Variants in VGLL3 observed in about 807,000 individuals in gnomAD.
VGLL3 encodes the protein vestigial like family member 3.
Under a neutral mutation model 29.2 loss-of-function variants are expected in VGLL3, and 18 were observed. That is an observed-to-expected ratio of 0.62 (90% CI 0.43 to 0.91). The LOEUF is 0.91. Among genes scored for constraint, VGLL3 ranks in the 40% least tolerant of loss-of-function variants. The pLI, the probability that VGLL3 is intolerant of heterozygous loss-of-function variation, is 0.00. For synonymous variants in VGLL3, 180 were observed against 151.8 expected, an observed-to-expected ratio of 1.19 and a Z score of -1.36; for missense variants, 440 against 413.2, an observed-to-expected ratio of 1.06 and a Z score of -0.56.
chr3:86,978,424 G>T, intron 2 of VGLL3, 102 bp downstream of exon 2: 1 of 1,308,850 alleles, frequency 7.6e-7, no homozygotes, highest in Non-Finnish European at 1.1e-6. Context: ...TAAAAAGCAA[G>T]TGGATATCCA....
chr3:86,951,026 A>T, intron 3 of VGLL3, among the ~76,000 whole-genome samples: 1 of 152,116 alleles, frequency 6.6e-6, no homozygotes, highest in East Asian at 1.9e-4. Context: ...CTGCCTGACC[A>T]CCAAAAGAAA....
chr3:86,971,833 T>C (rs1432891116), intron 2 of VGLL3, among the ~76,000 whole-genome samples: 1 of 152,170 alleles, frequency 6.6e-6, no homozygotes, highest in Non-Finnish European at 1.5e-5. Flanking sequence ...TTATTCTACA[T>C]AGTTCATCCT....
rs1705026369 is a variant in VGLL3 at position 86,968,988 on chromosome 3, G to C, written c.539C>G (p.Ser180Cys). Reference sequence around the variant, plus strand: ...CGGCCAAGGACTGGGATCAGCTGCAGAAAAGGTGCCAGGGGGTCCAGTGAC... The same window carrying C: ...CGGCCAAGGACTGGGATCAGCTGCACAAAAGGTGCCAGGGGGTCCAGTGAC... Reference protein sequence around the residue: ...FQVTGPPGTFSAADPSPWPGH... With the variant: ...FQVTGPPGTFCAADPSPWPGH... The change falls in exon 3 of 4, where the codon TCT becomes TGT. Residue 180 changes from serine (S) to cysteine (C), a missense_variant. Ser to Cys is a moderately radical substitution (Grantham distance 112). Transcript: ENST00000398399. 1 of 1,614,160 alleles carries C rather than the reference G, an allele frequency of 6.2e-7. No individual in the cohort carries two copies. The highest frequency in any genetic ancestry group is 1.1e-5 in the South Asian group (1 of 91,070).
rs1370847868 is a variant in VGLL3, at chr3:86,942,087, G to C, written c.*4937C>G. ...AATAATAGATTTAAAGGGCACTTTG[G>C]CCTTTAAATATTTTCAGAGAATAAA... On this transcript the variant is annotated 3_prime_UTR_variant, in exon 4 of 4. Coordinates refer to ENST00000398399, the MANE Select transcript of VGLL3 (RefSeq NM_016206.4). The C allele has an allele frequency of 6.6e-6, 1 of 151,966 alleles. No homozygotes were observed. Among genetic ancestry groups the C allele is most frequent in the Non-Finnish European group, 1.5e-5 (1 of 67,988 alleles). 9.4% of individuals were successfully genotyped at this position (151,966 alleles called of 1,614,324 possible). A position where few individuals can be genotyped will look rare whatever the true frequency, so the allele number is the denominator to read the frequency against.
At chr3:86,967,741 C>T (rs1013673542) in intron 3 of VGLL3, among the ~76,000 whole-genome samples, 7 of 152,136 alleles carry the variant, frequency 4.6e-5, no homozygotes, top group African/African-American at 1.7e-4. Flanking sequence ...ATCAATTTGT[C>T]GTTTTGGGCT....
chr3:86,988,965 G>A (rs1385566906), intron 1 of VGLL3, among the ~76,000 whole-genome samples: 2 of 151,954 alleles, frequency 1.3e-5, no homozygotes, highest in African/African-American at 4.8e-5. Flanking sequence ...TGAATTTGGG[G>A]ACCGAGTCTC....
intron 3 of VGLL3, among the ~76,000 whole-genome samples, chr3:86,967,039 G>A (rs1704980170): frequency 1.3e-5 from 2 of 151,724 alleles, no homozygotes; most frequent in African/African-American, 4.8e-5. Context: ...AGTGAATCAA[G>A]CTCACACCAA....
intron 2 of VGLL3, among the ~76,000 whole-genome samples, chr3:86,972,192 G>A (rs1705115807): frequency 6.6e-6 from 1 of 152,158 alleles, no homozygotes; most frequent in Middle Eastern, 3.2e-3. Flanking sequence ...TATTTATGAA[G>A]TACTGTACCA....
chr3:86,951,694 T>C (rs904274151), intron 3 of VGLL3, among the ~76,000 whole-genome samples: 2 of 143,180 alleles, frequency 1.4e-5, no homozygotes, highest in Non-Finnish European at 3.0e-5. Flanking sequence ...GCCTAGAGAC[T>C]CCCCCCTCTT....
At position 86,949,418 on chromosome 3, in the gene VGLL3, A is replaced by C. The variant is rs76767972; in HGVS notation, c.938-2351T>G. ...ACTTCTTCTTGGTGATGGAACATAA[A>C]AAATTTTGCTTTAATTACCAGGCAT... is the stretch of plus-strand genomic sequence containing the variant. On this transcript the variant is annotated intron_variant, in intron 3 of 3. Coordinates refer to ENST00000398399, the MANE Select transcript of VGLL3 (RefSeq NM_016206.4). 4.1e-3 allele frequency among the ~76,000 whole-genome samples: 618 copies of C among 152,308 alleles called. 37 individuals are homozygous for C. The East Asian group carries it at 0.11, about 27-fold the overall frequency.
intron 3 of VGLL3, among the ~76,000 whole-genome samples, chr3:86,958,764 G>A (rs187873500): frequency 3.5e-4 from 54 of 152,270 alleles, no homozygotes; most frequent in African/African-American, 1.2e-3. Context: ...CATTTTGCAT[G>A]CATCTCAAAG....
chr3:86,968,844 C>A lies in VGLL3; in HGVS notation c.683G>T (p.Arg228Leu). The A allele has an allele frequency of 6.2e-7, 1 of 1,613,998 alleles. No individual in the cohort carries two copies. The highest frequency in any genetic ancestry group is 8.5e-7 in the Non-Finnish European group (1 of 1,180,002). Residue 228 changes from arginine to leucine, a missense_variant, in exon 3 of 4, where the codon CGG becomes CTG. Physicochemically the swap from Arg to Leu is moderately radical, Grantham distance 102. Transcript: ENST00000398399. ...CATGTGGGCATGAGGGTGGTGGTGC[C>A]GCATGTACACGTCATGCATATGGCT... ...SYSHMHDVYMRHHHPHAHMHH... is the reference protein window; with the variant it reads ...SYSHMHDVYMLHHHPHAHMHH...
At chr3:86,971,565 T>A (rs1231984393) in intron 2 of VGLL3, among the ~76,000 whole-genome samples, 2 of 152,216 alleles carry the variant, frequency 1.3e-5, no homozygotes, top group East Asian at 1.9e-4. Context: ...TTTGTTAAAA[T>A]CACAATCTAT....
At chr3:86,963,089 C>CT (rs1290206329) in intron 3 of VGLL3, 8 of 183,008 alleles carry the variant, frequency 4.4e-5, no homozygotes, top group Non-Finnish European at 8.5e-5. Context: ...GAGTGAAACT[C>CT]TGTCTCAAAA....
In VGLL3 at chr3:86,990,923, G is replaced by T; in HGVS notation, c.-180C>A. The T allele has an allele frequency of 9.1e-7, 1 of 1,099,974 alleles. No homozygotes were observed. Among genetic ancestry groups the T allele is most frequent in the Non-Finnish European group, 1.1e-6 (1 of 901,402 alleles). The allele number at this position is 1,099,974 out of a possible 1,614,324, so 68.1% of individuals were successfully genotyped here. On this transcript the variant is annotated 5_prime_UTR_variant, in exon 1 of 4. Transcript: ENST00000398399. ...GCGGGGCGCGGGGTCGGGAGGGACT[G>T]GCAATCAGCGGGGGCCCATGCGCGG...
At chr3:86,949,395 T>A (rs1010839928) in intron 3 of VGLL3, among the ~76,000 whole-genome samples, 1 of 152,166 alleles carries the variant, frequency 6.6e-6, no homozygotes, top group African/African-American at 2.4e-5. Flanking sequence ...GTGGTTAAAC[T>A]TCTTCTTGGT....
At chr3:86,948,723 A>G (rs1414636131) in intron 3 of VGLL3, among the ~76,000 whole-genome samples, 1 of 152,178 alleles carries the variant, frequency 6.6e-6, no homozygotes, top group Non-Finnish European at 1.5e-5. Flanking sequence ...TTTTACCACA[A>G]GCATACTGGT....
intron 1 of VGLL3, among the ~76,000 whole-genome samples, chr3:86,979,298 G>A (rs1251591754): frequency 6.6e-6 from 1 of 152,136 alleles, no homozygotes; most frequent in Non-Finnish European, 1.5e-5. Context: ...AAACAGGAAT[G>A]TAGCATCTTA....
chr3:86,983,864 C>T (rs1006492910), intron 1 of VGLL3, among the ~76,000 whole-genome samples: 4 of 152,150 alleles, frequency 2.6e-5, no homozygotes. Context: ...TAAGTATTCC[C>T]AAGTAATAAG....
Sources: gnomAD v4.1 joint callset for allele counts (sites outside exome capture counted in the v4.1 genomes callset) on GRCh38, gnomAD v4.1.1 for gene constraint, MANE v1.5 for transcripts, NCBI Gene and HGNC (gene_info 2026-07-23, HGNC 2026-07-21) for gene names.